The following PLCE1 variants were observed in gnomAD, a reference collection of about 807,000 sequenced individuals.
PLCE1 encodes the protein 1-phosphatidylinositol 4,5-bisphosphate phosphodiesterase epsilon-1.
Under a neutral mutation model 242.8 loss-of-function variants are expected in PLCE1, and 119 were observed. That is an observed-to-expected ratio of 0.49 (90% CI 0.42 to 0.57). The LOEUF (loss-of-function observed/expected upper bound fraction) is 0.57. Among genes scored for constraint, PLCE1 ranks in the 20% least tolerant of loss-of-function variants. PLCE1 has a pLI of 0.00. For missense variants in PLCE1, 2,441 were observed against 2,788.8 expected (o/e 0.88, Z 2.81); for synonymous variants, 945 against 1,017.4 (o/e 0.93, Z 1.35).
chr10:94,106,709 C>T (rs2135557162), intron 2 of PLCE1, among the ~76,000 whole-genome samples: 1 of 152,212 alleles, frequency 6.6e-6, no homozygotes, highest in South Asian at 2.1e-4. Flanking sequence ...TGCCATGATT[C>T]CCTTTTCCTC....
Position 94,171,424 on chromosome 10 carries a change from C to G in PLCE1, c.1737C>G (p.Ile579Met). 6.2e-7 allele frequency: 1 copy of G among 1,614,180 alleles called. No homozygotes were observed. Among genetic ancestry groups the G allele is most frequent in the East Asian group, 2.2e-5 (1 of 44,884 alleles). ...CCTTGCCCTGCCTCAAAGCATCCAT[C>G]TCAGCGTCGATTCTTACCACTCAGA... ...QSSLPCLKAS[I>M]SASILTTQNG... Residue 579 changes from isoleucine (I) to methionine (M), a missense_variant, in exon 4 of 33, where the codon ATC (isoleucine) becomes ATG (methionine). Physicochemically the swap from Ile to Met is conservative, Grantham distance 10 (BLOSUM62 1). Around this residue, in one of 5 missense-constraint regions of PLCE1, gnomAD observed 733 missense variants for 754.2 expected, o/e 0.97. Coordinates refer to ENST00000371380, the MANE Select transcript of PLCE1 (RefSeq NM_016341.4).
chr10:94,257,442 A>G (rs1316282017), intron 11 of PLCE1, among the ~76,000 whole-genome samples: 1 of 152,204 alleles, frequency 6.6e-6, no homozygotes, highest in Non-Finnish European at 1.5e-5. Flanking sequence ...AGGATTATAA[A>G]TCATGCTGCT....
chr10:94,325,033 C>A lies in PLCE1; in HGVS notation c.6862C>A (p.Pro2288Thr), dbSNP rs571727623. ...SESIQTKEEKPVGGLSSSDTM... is the reference protein window; with the variant it reads ...SESIQTKEEKTVGGLSSSDTM... Reference sequence around the variant, plus strand: ...AAGTATCCAAACCAAGGAGGAGAAACCTGTGGGTGGCTTGTCCTCCAGTGA... The same window carrying A: ...AAGTATCCAAACCAAGGAGGAGAAAACTGTGGGTGGCTTGTCCTCCAGTGA... Residue 2288 changes from proline (P) to threonine (T), a missense_variant, in exon 32 of 33, where the codon CCT becomes ACT. Around this residue, in one of 5 missense-constraint regions of PLCE1, gnomAD observed 310 missense variants for 317.2 expected, o/e 0.98. Transcript: ENST00000371380. 2.0e-4 allele frequency: 318 copies of A among 1,614,180 alleles called. 4 individuals are homozygous for A. In the South Asian group the frequency reaches 3.3e-3, roughly 17 times the overall value.
At chr10:94,009,766 A>G (rs780262239) in intron 1 of PLCE1, among the ~76,000 whole-genome samples, 2 of 152,232 alleles carry the variant, frequency 1.3e-5, no homozygotes, top group South Asian at 2.1e-4. Flanking sequence ...AAGCTCCAAT[A>G]TAATCCTTGA....
intron 2 of PLCE1, among the ~76,000 whole-genome samples, chr10:94,067,133 C>T (rs746917258): frequency 8.5e-5 from 13 of 152,190 alleles, no homozygotes; most frequent in Non-Finnish European, 1.6e-4. Flanking sequence ...TCCTCTAGGA[C>T]CAGACCCTGT....
At chr10:94,181,445 A>G (rs928819416) in intron 4 of PLCE1, among the ~76,000 whole-genome samples, 1 of 151,904 alleles carries the variant, frequency 6.6e-6, no homozygotes, top group Non-Finnish European at 1.5e-5. Flanking sequence ...GCGTGGTGGC[A>G]GGCGCCTGTA....
At chr10:94,100,574 T>C (rs909655820) in intron 2 of PLCE1, 3 of 152,134 alleles carry the variant, frequency 2.0e-5, no homozygotes, top group African/African-American at 7.2e-5. Flanking sequence ...AATGAAATCA[T>C]TGGTCTTTGG....
intron 3 of PLCE1, among the ~76,000 whole-genome samples, chr10:94,146,638 A>C (rs2136068567): frequency 6.6e-6 from 1 of 152,316 alleles, no homozygotes; most frequent in Middle Eastern, 3.4e-3. Flanking sequence ...CCCCTGCCCA[A>C]ATTGGAACTC....
At chr10:94,198,729 C>T (rs1266250714) in intron 4 of PLCE1, among the ~76,000 whole-genome samples, 1 of 152,160 alleles carries the variant, frequency 6.6e-6, no homozygotes, top group Non-Finnish European at 1.5e-5. Flanking sequence ...TTGAGCCTGG[C>T]TTTCTTCATT....
At chr10:94,293,386 G>A (rs1312302293) in intron 22 of PLCE1, 122 bp from the exon 23 acceptor site, 4 of 1,086,600 alleles carry the variant, frequency 3.7e-6, no homozygotes, top group Admixed American at 1.9e-5. Flanking sequence ...CTGCCAGTAG[G>A]GTTTCTGTAC....
intron 3 of PLCE1, among the ~76,000 whole-genome samples, chr10:94,164,256 T>G (rs2047716881): frequency 6.6e-6 from 1 of 152,370 alleles, no homozygotes; most frequent in Non-Finnish European, 1.5e-5. Flanking sequence ...TTTTCCAGCT[T>G]GGTTCCATTC....
chr10:94,309,180 G>A (rs529519002), intron 27 of PLCE1, among the ~76,000 whole-genome samples: 83 of 152,374 alleles, frequency 5.4e-4, no homozygotes, highest in African/African-American at 1.9e-3. Context: ...AAATGTCACA[G>A]GCAGAGCAAG....
chr10:94,252,428 A>G lies in PLCE1; in HGVS notation c.3209A>G (p.Lys1070Arg). The change falls in exon 9 of 33, where the codon AAG becomes AGG. Residue 1070 changes from lysine (K) to arginine (R), a missense_variant. Lys to Arg is a conservative substitution (Grantham distance 26, BLOSUM62 2). Coordinates refer to ENST00000371380, the MANE Select transcript of PLCE1 (RefSeq NM_016341.4). ...GGAACATCAGCAAAGAATGCTGAGA[A>G]GCCCAATATGCAGAGAAACAATACC... is the stretch of plus-strand genomic sequence containing the variant. The part of the protein sequence containing the change: ...SPGTSAKNAE[K>R]PNMQRNNTLG... 1 of 1,614,080 alleles carries G rather than the reference A, an allele frequency of 6.2e-7. No homozygotes were observed. The highest frequency in any genetic ancestry group is 8.5e-7 in the Non-Finnish European group (1 of 1,179,972).
At chr10:94,300,847 G>A (rs767493366) in intron 24 of PLCE1, among the ~76,000 whole-genome samples, 2 of 152,014 alleles carry the variant, frequency 1.3e-5, no homozygotes, top group East Asian at 1.9e-4. Flanking sequence ...GATCACTTCC[G>A]GCCAGCAGTT....
intron 3 of PLCE1, chr10:94,139,088 A>T (rs1034936977): frequency 3.3e-5 from 5 of 152,580 alleles, no homozygotes; most frequent in African/African-American, 1.2e-4. Context: ...TTCGAGGCCA[A>T]CCTGGCCAAC....
chr10:94,126,312 TA>T (rs1033883019), intron 2 of PLCE1, among the ~76,000 whole-genome samples: 4 of 152,248 alleles, frequency 2.6e-5, no homozygotes, highest in Admixed American at 2.0e-4. Context: ...CCTACATCTC[TA>T]AAAACTTAGC....
At chr10:94,104,167 CACAT>C (rs1232794479) in intron 2 of PLCE1, 1 of 152,188 alleles carries the variant, frequency 6.6e-6, no homozygotes, top group Non-Finnish European at 1.5e-5. Context: ...ATTTTATAAA[CACAT>C]ATATGGTCCT....
intron 3 of PLCE1, among the ~76,000 whole-genome samples, chr10:94,163,611 A>G (rs1388308730): frequency 4.6e-5 from 7 of 151,944 alleles, no homozygotes; most frequent in Non-Finnish European, 4.4e-5. Context: ...TCTTTATCCA[A>G]TTTGCCAGTC....
intron 18 of PLCE1, among the ~76,000 whole-genome samples, chr10:94,272,256 C>A (rs1000731291): frequency 3.3e-5 from 5 of 152,140 alleles, no homozygotes; most frequent in African/African-American, 4.8e-5. Flanking sequence ...GACCTCCCCC[C>A]AGGAATGCAA....
Sources: gnomAD v4.1 joint callset for allele counts (sites outside exome capture counted in the v4.1 genomes callset) on GRCh38, gnomAD v4.1.1 for gene constraint, gnomAD v4.1.1 regional missense constraint, MANE v1.5 for transcripts, NCBI Gene and HGNC (gene_info 2026-07-23, HGNC 2026-07-21) for gene names.